The following PPP4R1 variants were observed in gnomAD, a reference collection of about 807,000 sequenced individuals.
The protein encoded by PPP4R1 is serine/threonine-protein phosphatase 4 regulatory subunit 1.
Under a neutral mutation model 111.2 loss-of-function variants are expected in PPP4R1, and 42 were observed. That is an observed-to-expected ratio of 0.38 (90% CI 0.29 to 0.49). The LOEUF (loss-of-function observed/expected upper bound fraction) is 0.49, where lower values mean the gene tolerates loss of function less well. Ranked by LOEUF, PPP4R1 falls within the 20% of genes least tolerant of loss-of-function variation. The pLI is 0.97. For synonymous variants in PPP4R1, 409 were observed against 405.5 expected (o/e 1.01, Z -0.10); for missense variants, 1,012 against 1,161.6 (o/e 0.87, Z 1.87).
chr18:9,567,965 A>C (rs1294691303), intron 11 of PPP4R1, among the ~76,000 whole-genome samples: 2 of 152,176 alleles, frequency 1.3e-5, no homozygotes, highest in East Asian at 3.8e-4. Flanking sequence ...TTTTTCAATG[A>C]AGGTATGTGC....
intron 12 of PPP4R1, 143 bp from the exon 13 acceptor site, chr18:9,562,218 A>T: frequency 1.7e-6 from 1 of 584,582 alleles, no homozygotes; most frequent in Middle Eastern, 4.8e-4. Context: ...TTATAAACAT[A>T]CCTAAGAACC....
In PPP4R1 at chr18:9,614,218, C is replaced by G. The variant is rs2145390514; in HGVS notation, c.52+8G>C. 2 of 1,363,590 alleles carry G rather than the reference C, an allele frequency of 1.5e-6. No individual in the cohort carries two copies. The highest frequency in any genetic ancestry group is 1.9e-6 in the Non-Finnish European group (2 of 1,045,494). 84.5% of individuals were successfully genotyped at this position (1,363,590 alleles called of 1,614,324 possible). ...ACTGCCAGGCCACCGCGAGGCCGGG[C>G]CACTCACATCCGTCTGCGTCCTCCT... On this transcript the variant is annotated splice_region_variant and intron_variant, in intron 2 of 19. Coordinates refer to ENST00000400556, the MANE Select transcript of PPP4R1 (RefSeq NM_001042388.3). The surrounding 1 kb of genome is among the most constrained non-coding windows in gnomAD (Gnocchi z 4.1).
At chr18:9,566,691 ACG>A in intron 11 of PPP4R1, among the ~76,000 whole-genome samples, 1 of 141,614 alleles carries the variant, frequency 7.1e-6, no homozygotes, top group African/African-American at 2.6e-5. Context: ...ACACACACAC[ACG>A]TTAAAACCAA....
At chr18:9,571,164 C>T (rs902436452) in intron 10 of PPP4R1, among the ~76,000 whole-genome samples, 1 of 152,074 alleles carries the variant, frequency 6.6e-6, no homozygotes, top group African/African-American at 2.4e-5. Context: ...AAAATAAAAA[C>T]AATTTTAAGA....
At chr18:9,583,873 C>T (rs574186354) in intron 8 of PPP4R1, among the ~76,000 whole-genome samples, 23 of 151,736 alleles carry the variant, frequency 1.5e-4, no homozygotes, top group Non-Finnish European at 2.9e-4. Flanking sequence ...TGCTTTAAAA[C>T]GGACAGAAAT....
intron 13 of PPP4R1, among the ~76,000 whole-genome samples, 169 bp from the exon 14 acceptor site, chr18:9,559,773 C>T (rs1044141461): frequency 4.0e-5 from 6 of 151,780 alleles, no homozygotes; most frequent in East Asian, 3.9e-4. Flanking sequence ...CTAAGAGATA[C>T]GAAAAACATG....
At chr18:9,563,234 ATT>A in intron 12 of PPP4R1, 142 bp downstream of exon 12, 33 of 1,249,900 alleles carry the variant, frequency 2.6e-5, no homozygotes, top group Non-Finnish European at 3.4e-5. Context: ...GATGAAAACA[ATT>A]ACTTTATGCA....
At chr18:9,608,945 A>C (rs1164349045) in intron 2 of PPP4R1, among the ~76,000 whole-genome samples, 1 of 152,222 alleles carries the variant, frequency 6.6e-6, no homozygotes, top group Non-Finnish European at 1.5e-5. Context: ...AGGAACAAAC[A>C]AAAAGTATGC....
intron 13 of PPP4R1, among the ~76,000 whole-genome samples, chr18:9,560,423 A>G (rs2066654180): frequency 6.6e-6 from 1 of 151,748 alleles, no homozygotes; most frequent in Non-Finnish European, 1.5e-5. Context: ...GTGTATAAAT[A>G]TAGCTGTGGA....
intron 15 of PPP4R1, among the ~76,000 whole-genome samples, chr18:9,553,641 T>C (rs2066523526): frequency 3.3e-5 from 5 of 152,260 alleles, no homozygotes; most frequent in Admixed American, 3.3e-4. Context: ...AAATCTTTGT[T>C]CCTTGTGCCT....
At chr18:9,573,578 A>ATTTATT (rs1568102781) in intron 10 of PPP4R1, among the ~76,000 whole-genome samples, 19 of 152,292 alleles carry the variant, frequency 1.2e-4, no homozygotes, top group African/African-American at 1.7e-4. Flanking sequence ...CTATCTAATA[A>ATTTATT]ATACAATGAA....
chr18:9,581,861 C>A (rs2067034757), intron 9 of PPP4R1, among the ~76,000 whole-genome samples: 1 of 151,884 alleles, frequency 6.6e-6, no homozygotes, highest in South Asian at 2.1e-4. Flanking sequence ...ACAAGGGAAC[C>A]CCAATATGAT....
At chr18:9,564,597 A>C (rs1339278830) in intron 11 of PPP4R1, among the ~76,000 whole-genome samples, 3 of 152,078 alleles carry the variant, frequency 2.0e-5, no homozygotes, top group Non-Finnish European at 4.4e-5. Flanking sequence ...CACTTCAGCC[A>C]CTCCCTTTTG....
rs2067152427 is a variant in PPP4R1 at position 9,588,202 on chromosome 18, G to C, written c.472C>G (p.Leu158Val). ...CGTTCAATGAGCTCCTGCTCCAACA[G>C]AGCCAGCAAAGCTGCCTGACTTGTT... ...RKTSQAALLA[L>V]LEQELIERFD... Residue 158 changes from leucine (L) to valine (V), a missense_variant, in exon 6 of 20, where the codon CTG becomes GTG. This residue lies in a region of PPP4R1 where 707 missense variants were observed against 742.1 expected (regional missense o/e 0.95). Transcript: ENST00000400556. The C allele has an allele frequency of 1.9e-6, 3 of 1,613,954 alleles. No homozygotes were observed. Among genetic ancestry groups the C allele is most frequent in the Non-Finnish European group, 2.5e-6 (3 of 1,179,990 alleles).
Position 9,549,317 on chromosome 18 carries a change from G to A in PPP4R1, c.2569C>T (p.Leu857Phe). Residue 857 changes from leucine (L) to phenylalanine (F), a missense_variant, in exon 19 of 20, where the codon CTT becomes TTT. By Grantham distance (22) the Leu-to-Phe change is conservative (BLOSUM62 0). Transcript: ENST00000400556. ...TGCACAGCAAACTGGTCCATGGGAAGGCAGTCATCCTCAATGACAGTCTGG... is the reference window on the plus strand; with the variant it reads ...TGCACAGCAAACTGGTCCATGGGAAAGCAGTCATCCTCAATGACAGTCTGG... ...VCQTVIEDDCLPMDQFAVHLM... is the reference protein window; with the variant it reads ...VCQTVIEDDCFPMDQFAVHLM... 1 of 1,609,226 alleles carries A rather than the reference G, an allele frequency of 6.2e-7. No homozygotes were observed. Among genetic ancestry groups the A allele is most frequent in the Non-Finnish European group, 8.5e-7 (1 of 1,175,738 alleles).
intron 16 of PPP4R1, chr18:9,551,108 G>T (rs893446337): frequency 6.6e-6 from 1 of 152,200 alleles, no homozygotes; most frequent in African/African-American, 2.4e-5. Context: ...TCCTCAAAGA[G>T]ACACACTTAT....
chr18:9,596,535 C>T (rs909198480), intron 2 of PPP4R1, among the ~76,000 whole-genome samples: 1 of 152,138 alleles, frequency 6.6e-6, no homozygotes, highest in African/African-American at 2.4e-5. Context: ...TTTCCAGGCA[C>T]AAAGTAAGCA....
chr18:9,615,848 A>G (rs565023500), upstream of PPP4R1, among the ~76,000 whole-genome samples: 6 of 152,386 alleles, frequency 3.9e-5, no homozygotes, highest in Admixed American at 3.9e-4. Flanking sequence ...CTAAGGAATC[A>G]GATCCTCTGA....
At position 9,547,906 on chromosome 18, in the gene PPP4R1, C is replaced by T. The variant is rs1419836426; in HGVS notation, c.2736G>A (p.Gln912=). The change falls in exon 20 of 20, where the codon CAG becomes CAA. Residue 912 remains glutamine (Q), a synonymous_variant. Transcript: ENST00000400556. ...GGTCCATCTGAAGAGCCATGATGGT[C>T]TGCTCCACAGCCTCCTGGTGGCAGC... ...SASCHQEAVE[Q]TIMALQMDRD... 1.9e-6 allele frequency: 3 copies of T among 1,613,896 alleles called. No individual in the cohort carries two copies. The highest frequency in any genetic ancestry group is 2.2e-5 in the East Asian group (1 of 44,896).
Sources: allele counts gnomAD v4.1 joint callset (sites outside exome capture counted in the v4.1 genomes callset), GRCh38; gene constraint gnomAD v4.1.1; regional missense constraint gnomAD v4.1.1; non-coding constraint Gnocchi (gnomAD v3.1); transcripts MANE v1.5; gene names NCBI Gene and HGNC (gene_info 2026-07-23, HGNC 2026-07-21).